The following TENM4 variants were observed in gnomAD, a reference collection of about 807,000 sequenced individuals.
TENM4 encodes the protein teneurin-4.
TENM4 carries 82 observed loss-of-function variants against 243.3 expected under a neutral mutation model. That is an observed-to-expected ratio of 0.34 (90% CI 0.28 to 0.40). The LOEUF (loss-of-function observed/expected upper bound fraction) is 0.40. Among genes scored for constraint, TENM4 ranks in the 10% least tolerant of loss-of-function variants. The pLI, the probability that TENM4 is intolerant of heterozygous loss-of-function variation, is 1.00. For synonymous variants in TENM4, 1,412 were observed against 1,456.3 expected, an observed-to-expected ratio of 0.97 and a Z score of 0.69; for missense variants, 3,138 against 3,673.3, an observed-to-expected ratio of 0.85 and a Z score of 3.77.
chr11:79,207,729 G>A (rs1863877158), intron 3 of TENM4, among the ~76,000 whole-genome samples: 1 of 151,928 alleles, frequency 6.6e-6, no homozygotes, highest in Admixed American at 6.6e-5. Context: ...AGCCAGGTAT[G>A]GTGGCATGCA....
At chr11:79,344,208 C>T (rs1156415696) in intron 1 of TENM4, among the ~76,000 whole-genome samples, 1 of 152,170 alleles carries the variant, frequency 6.6e-6, no homozygotes, top group East Asian at 1.9e-4. Context: ...GCCCGAGTCT[C>T]CCAATTTCCA....
At position 78,913,446 on chromosome 11, in the gene TENM4, G is replaced by T. The variant is rs369400353; in HGVS notation, c.494-9923C>A. ...CTACCTCAAGGCAGAATTTGTCCTGGGAAAGCTTTCTGGCTGTCAAGTGAG... is the reference window on the plus strand; with the variant it reads ...CTACCTCAAGGCAGAATTTGTCCTGTGAAAGCTTTCTGGCTGTCAAGTGAG... On this transcript the variant is annotated intron_variant, in intron 6 of 33. Transcript: ENST00000278550. Among the ~76,000 whole-genome samples the T allele has an allele frequency of 3.9e-5, 6 of 152,052 alleles. No individual in the cohort carries two copies. In the South Asian group the frequency reaches 1.2e-3, roughly 32 times the overall value.
At chr11:78,842,394 C>T (rs532239079) in intron 12 of TENM4, among the ~76,000 whole-genome samples, 7 of 152,344 alleles carry the variant, frequency 4.6e-5, no homozygotes, top group African/African-American at 1.7e-4. Context: ...CATCTAATCC[C>T]ACTGGCTAAA....
chr11:79,384,385 C>G (rs922010522), intron 1 of TENM4, among the ~76,000 whole-genome samples: 1 of 152,164 alleles, frequency 6.6e-6, no homozygotes, highest in African/African-American at 2.4e-5. Flanking sequence ...TTCAGAGCAT[C>G]CCCATTTGGT....
intron 2 of TENM4, among the ~76,000 whole-genome samples, chr11:79,262,376 T>C (rs1290582463): frequency 1.3e-5 from 2 of 152,232 alleles, no homozygotes; most frequent in Non-Finnish European, 2.9e-5. Flanking sequence ...CAATCTGGAC[T>C]CTTCTTTGAA....
rs773641897 is a variant in TENM4, at chr11:78,676,326, G to A, written c.5322C>T (p.Asn1774=). 5.6e-6 allele frequency: 9 copies of A among 1,610,898 alleles called. No homozygotes were observed. The highest frequency in any genetic ancestry group is 6.8e-6 in the Non-Finnish European group (8 of 1,177,432). The part of the protein sequence containing the change: ...ADGSLRLLLA[N]GMEVALQTEP... ...CAGTCTGCAGCGCCACCTCCATGCCGTTGGCCAGCAGCAGCCGCAAGGAGC... is the reference window on the plus strand; with the variant it reads ...CAGTCTGCAGCGCCACCTCCATGCCATTGGCCAGCAGCAGCCGCAAGGAGC... Residue 1774 remains asparagine (N), a synonymous_variant, in exon 30 of 34, where the codon AAC becomes AAT. Transcript: ENST00000278550.
In TENM4 at chr11:78,805,432, C is replaced by G; in HGVS notation, c.2039G>C (p.Cys680Ser). The change falls in exon 15 of 34, where the codon TGC (cysteine) becomes TCC (serine). Residue 680 changes from cysteine (C) to serine (S), a missense_variant. Cys to Ser is a moderately radical substitution (Grantham distance 112). Coordinates refer to ENST00000278550, the MANE Select transcript of TENM4 (RefSeq NM_001098816.3). ...GTTGGTGCCTCCCCATCCCACAGAG[C>G]AGTGGCATTCGCCTCTCACGCAGAC... Reference protein sequence around the residue: ...RGVCVRGECHCSVGWGGTNCE... With the variant: ...RGVCVRGECHSSVGWGGTNCE... 6.2e-7 allele frequency: 1 copy of G among 1,600,940 alleles called. No individual in the cohort carries two copies. The highest frequency in any genetic ancestry group is 8.5e-7 in the Non-Finnish European group (1 of 1,173,744).
intron 4 of TENM4, chr11:79,093,713 TC>T (rs1262939900): frequency 6.6e-6 from 1 of 152,180 alleles, no homozygotes; most frequent in Admixed American, 6.5e-5. Flanking sequence ...TTGGAATGCA[TC>T]CCCTTGTCTC....
intron 6 of TENM4, among the ~76,000 whole-genome samples, chr11:79,002,305 A>AGGGTACCCAG (rs1222399974): frequency 1.3e-5 from 2 of 152,234 alleles, no homozygotes; most frequent in Non-Finnish European, 2.9e-5. Context: ...CCCAGCCAAC[A>AGGGTACCCAG]CATGGGTACC....
intron 6 of TENM4, among the ~76,000 whole-genome samples, chr11:79,064,340 A>T (rs2136984108): frequency 6.6e-6 from 1 of 152,290 alleles, no homozygotes; most frequent in South Asian, 2.1e-4. Context: ...GAGGTTGCCC[A>T]GGACAGCTGA....
intron 6 of TENM4, among the ~76,000 whole-genome samples, chr11:79,001,756 G>C (rs1166087439): frequency 6.6e-6 from 1 of 152,148 alleles, no homozygotes; most frequent in Non-Finnish European, 1.5e-5. Flanking sequence ...CCTCTCCTGG[G>C]ACCCGAGTTT....
intron 6 of TENM4, among the ~76,000 whole-genome samples, chr11:79,039,992 C>T (rs1470316558): frequency 3.3e-5 from 5 of 150,776 alleles, no homozygotes; most frequent in East Asian, 2.0e-4. Flanking sequence ...CTTTTGGGGA[C>T]CACTACTATA....
chr11:79,314,427 A>G (rs1161749113), intron 1 of TENM4, among the ~76,000 whole-genome samples: 6 of 152,210 alleles, frequency 3.9e-5, no homozygotes, highest in Admixed American at 6.5e-5. Context: ...TGTGGTGTTG[A>G]GTCTTGCTGA....
intron 18 of TENM4, among the ~76,000 whole-genome samples, chr11:78,765,735 T>C (rs1234402223): frequency 4.6e-5 from 7 of 152,194 alleles, no homozygotes; most frequent in Admixed American, 2.6e-4. Context: ...TTTCCCTGTA[T>C]GTAAATGTGT....
chr11:78,718,795 C>T (rs940382447), intron 25 of TENM4, among the ~76,000 whole-genome samples: 1 of 152,178 alleles, frequency 6.6e-6, no homozygotes, highest in African/African-American at 2.4e-5. Context: ...TTTTCAATTT[C>T]TGATGCCATA....
intron 6 of TENM4, among the ~76,000 whole-genome samples, chr11:79,039,443 G>A (rs944898924): frequency 3.3e-4 from 50 of 152,296 alleles, no homozygotes; most frequent in African/African-American, 1.1e-3. Context: ...CCAGTTTTAG[G>A]CTCTGTGGGC....
chr11:79,209,316 C>T (rs1036886683), intron 3 of TENM4, among the ~76,000 whole-genome samples: 2 of 152,194 alleles, frequency 1.3e-5, no homozygotes, highest in African/African-American at 4.8e-5. Flanking sequence ...TGGGAAAGGG[C>T]AGAATTCCAC....
chr11:78,893,775 T>TCACACACACACACACACACACACACACA (rs1223569491), intron 7 of TENM4, among the ~76,000 whole-genome samples: 20 of 23,758 alleles, frequency 8.4e-4, no homozygotes, highest in South Asian at 2.5e-3. Flanking sequence ...TTTCAGGACT[T>TCACACACACACACACACACACACACACA]CACATACACA....
chr11:79,247,149 T>G (rs4990939), intron 2 of TENM4, among the ~76,000 whole-genome samples: 151,111 of 152,024 alleles, frequency 0.99, 75,129 homozygotes, highest in Middle Eastern at 1. Context: ...AGGTGCGGTG[T>G]CTCACGCCTG....
Sources: gnomAD v4.1 joint callset for allele counts (sites outside exome capture counted in the v4.1 genomes callset) on GRCh38, gnomAD v4.1.1 for gene constraint, MANE v1.5 for transcripts, NCBI Gene and HGNC (gene_info 2026-07-23, HGNC 2026-07-21) for gene names.